The following SCN2A variants were observed in gnomAD, a reference collection of about 807,000 sequenced individuals.
SCN2A encodes sodium channel protein type 2 subunit alpha.
SCN2A carries 20 observed loss-of-function variants against 188.7 expected under a neutral mutation model. That is an observed-to-expected ratio of 0.11 (90% CI 0.07 to 0.15). SCN2A has a LOEUF of 0.15. SCN2A is among the 10% of genes least tolerant of loss of function. The probability of loss-of-function intolerance (pLI) is 1.00; values close to 1 mark genes in which losing one functional copy is unlikely to be tolerated. For synonymous variants in SCN2A, 804 were observed against 833.1 expected, an observed-to-expected ratio of 0.97 and a Z score of 0.60; for missense variants, 1,278 against 2,445.0, an observed-to-expected ratio of 0.52 and a Z score of 10.07.
chr2:165,303,006 G>A (rs16850368), intron 3 of SCN2A, among the ~76,000 whole-genome samples: 1 of 151,946 alleles, frequency 6.6e-6, no homozygotes, highest in Admixed American at 6.5e-5. Flanking sequence ...ATTATAAAAG[G>A]TTTATCTGCC....
At chr2:165,369,118 T>A (rs1461430330) in intron 19 of SCN2A, among the ~76,000 whole-genome samples, 1 of 152,000 alleles carries the variant, frequency 6.6e-6, no homozygotes, top group Non-Finnish European at 1.5e-5. Context: ...TAATAGAGAC[T>A]GGGTTTTGCC....
At position 165,307,866 on chromosome 2, in the gene SCN2A, T is replaced by C. The variant is rs1225501159; in HGVS notation, c.405T>C (p.Ile135=). Reference sequence around the variant, plus strand: ...ATTCTACTTTATTCAATATGCTCATTATGTGCACGATTCTTACCAACTGTG... The same window carrying C: ...ATTCTACTTTATTCAATATGCTCATCATGTGCACGATTCTTACCAACTGTG... ...ILVHSLFNML[I]MCTILTNCVF... is the part of the protein sequence containing the mutation. The change falls in exon 4 of 27, where the codon ATT becomes ATC. Residue 135 remains isoleucine (I), a synonymous_variant. Transcript: ENST00000375437. 1 of 1,610,718 alleles carries C rather than the reference T, an allele frequency of 6.2e-7. No homozygotes were observed. The highest frequency in any genetic ancestry group is 1.7e-5 in the Admixed American group (1 of 60,008).
chr2:165,365,780 T>C (rs1700695210), intron 18 of SCN2A, among the ~76,000 whole-genome samples: 1 of 152,174 alleles, frequency 6.6e-6, no homozygotes, highest in Admixed American at 6.6e-5. Context: ...TTTTATTATT[T>C]CTGAAAAAAG....
intron 1 of SCN2A, among the ~76,000 whole-genome samples, chr2:165,258,414 A>C (rs2106081535): frequency 6.6e-6 from 1 of 152,280 alleles, no homozygotes. Context: ...TGTTTATTAA[A>C]CAGGAAGTCC....
chr2:165,252,399 A>G (rs573633310), intron 1 of SCN2A, among the ~76,000 whole-genome samples: 1 of 152,216 alleles, frequency 6.6e-6, no homozygotes, highest in Non-Finnish European at 1.5e-5. Context: ...TCAAGTATAT[A>G]TCATTTAAAT....
At chr2:165,348,345 C>T (rs184745442) in intron 16 of SCN2A, among the ~76,000 whole-genome samples, 74 of 127,822 alleles carry the variant, frequency 5.8e-4, no homozygotes, top group Non-Finnish European at 9.1e-4. Context: ...GGTGAAAGAG[C>T]GAGACTCTGT....
Position 165,313,773 on chromosome 2 carries a change from T to C in SCN2A, c.1176+12T>C, listed in dbSNP as rs372707199. On this transcript the variant is annotated intron_variant, in intron 9 of 26. Coordinates refer to ENST00000375437, the MANE Select transcript of SCN2A (RefSeq NM_001040142.2). Reference sequence around the variant, plus strand: ...ACCTTTATCAACTGGTGAGAACAGATAAAATCATTTTTCTGAGAATCATAA... The same window carrying C: ...ACCTTTATCAACTGGTGAGAACAGACAAAATCATTTTTCTGAGAATCATAA... 21 of 1,613,502 alleles carry C rather than the reference T, an allele frequency of 1.3e-5. No homozygotes were observed. Among genetic ancestry groups the C allele is most frequent in the Admixed American group, 1.7e-5 (1 of 59,950 alleles).
chr2:165,280,666 C>A (rs1695545169), intron 1 of SCN2A, among the ~76,000 whole-genome samples: 1 of 152,118 alleles, frequency 6.6e-6, no homozygotes, highest in African/African-American at 2.4e-5. Flanking sequence ...AATTTGTACT[C>A]CAAAGTTGTC....
rs145466881 is a variant in SCN2A, at chr2:165,275,124, T to C, written c.-51-20649T>C. Among the ~76,000 whole-genome samples the C allele has an allele frequency of 1.9e-3, 290 of 152,336 alleles. 1 individual carries two copies. The East Asian group carries it at 0.032, about 17-fold the overall frequency. ...GTTGATGTTCTACTGCCTTGTTTTA[T>C]TGCATTCGTTCAATGTTACCTTCCA... On this transcript the variant is annotated intron_variant, in intron 1 of 26. Transcript: ENST00000375437.
chr2:165,288,772 A>G (rs1421187964), intron 1 of SCN2A, among the ~76,000 whole-genome samples: 1 of 151,862 alleles, frequency 6.6e-6, no homozygotes, highest in Non-Finnish European at 1.5e-5. Flanking sequence ...GTGTGTGTAT[A>G]TGCATATATA....
intron 26 of SCN2A, among the ~76,000 whole-genome samples, chr2:165,387,545 A>T (rs1327175377): frequency 6.6e-6 from 1 of 152,188 alleles, no homozygotes; most frequent in East Asian, 1.9e-4. Context: ...GGAAGCAGAT[A>T]GTTTGTTTGA....
intron 23 of SCN2A, among the ~76,000 whole-genome samples, chr2:165,379,342 T>C (rs1701482281): frequency 6.6e-6 from 1 of 151,680 alleles, no homozygotes; most frequent in Non-Finnish European, 1.5e-5. Flanking sequence ...TAATTCTACT[T>C]ATATAAAGTT....
intron 1 of SCN2A, among the ~76,000 whole-genome samples, chr2:165,258,352 G>C (rs897996356): frequency 6.6e-6 from 1 of 152,112 alleles, no homozygotes; most frequent in African/African-American, 2.4e-5. Context: ...ATGGTATAAG[G>C]AAGTGGTCCA....
At chr2:165,312,690 GTTA>G (rs1697505104) in intron 8 of SCN2A, among the ~76,000 whole-genome samples, 2 of 152,056 alleles carry the variant, frequency 1.3e-5, no homozygotes, top group Non-Finnish European at 1.5e-5. Context: ...GCTTGTAATT[GTTA>G]TTATTGGGAT....
At chr2:165,365,370 T>C in intron 18 of SCN2A, 107 bp downstream of exon 18, 1 of 1,141,454 alleles carries the variant, frequency 8.8e-7, no homozygotes, top group African/African-American at 1.8e-5. Context: ...TATCTATCTA[T>C]CTGTATCTAT....
chr2:165,269,876 C>T (rs1198710496), intron 1 of SCN2A: 1 of 151,936 alleles, frequency 6.6e-6, no homozygotes, highest in Non-Finnish European at 1.5e-5. Context: ...AAACAACCAA[C>T]ACAACCCATT....
chr2:165,253,879 C>T (rs1694201711), intron 1 of SCN2A, among the ~76,000 whole-genome samples: 1 of 151,856 alleles, frequency 6.6e-6, no homozygotes, highest in African/African-American at 2.4e-5. Context: ...ATAATTAGGA[C>T]AATTATGTCA....
intron 25 of SCN2A, among the ~76,000 whole-genome samples, chr2:165,381,899 G>A (rs746105113): frequency 4.6e-5 from 7 of 151,908 alleles, no homozygotes; most frequent in Non-Finnish European, 8.8e-5. Context: ...CTTCCCCAAC[G>A]TATACGTGGT....
intron 14 of SCN2A, among the ~76,000 whole-genome samples, chr2:165,339,571 A>G (rs1273919963): frequency 6.6e-6 from 1 of 152,158 alleles, no homozygotes; most frequent in Non-Finnish European, 1.5e-5. Context: ...ATATCAAAAA[A>G]CACGAAGAAT....
Sources: allele counts gnomAD v4.1 joint callset (sites outside exome capture counted in the v4.1 genomes callset), GRCh38; gene constraint gnomAD v4.1.1; transcripts MANE v1.5; gene names NCBI Gene and HGNC (gene_info 2026-07-23, HGNC 2026-07-21).